MGAT5B: variants seen among roughly 807,000 people sequenced by gnomAD.
The protein encoded by MGAT5B is alpha-1,6-mannosylglycoprotein 6-beta-N-acetylglucosaminyltransferase B, also known as N-acetylglucosaminyl-transferase Vb.
MGAT5B carries 54 observed loss-of-function variants against 95.1 expected under a neutral mutation model. That is an observed-to-expected ratio of 0.57 (90% CI 0.46 to 0.71). MGAT5B has a LOEUF of 0.71. Ranked by LOEUF, MGAT5B falls within the 30% of genes least tolerant of loss-of-function variation. The probability of loss-of-function intolerance (pLI) is 0.00; values close to 1 mark genes in which losing one functional copy is unlikely to be tolerated. For synonymous variants in MGAT5B, 464 were observed against 451.0 expected (o/e 1.03, Z -0.36); for missense variants, 935 against 1,088.6 (o/e 0.86, Z 1.99).
At position 76,940,807 on chromosome 17, in the gene MGAT5B, G is replaced by A; in HGVS notation, c.1807G>A (p.Glu603Lys). The part of the protein sequence containing the change: ...HVWTVDYNNS[E>K]EFEAAIKAIM... ...GTGGACAGTCGACTACAACAACTCA[G>A]AGGAGTTTGAAGCAGCCATCAAGGC... The change falls in exon 15 of 18, where the codon GAG becomes AAG. Residue 603 changes from glutamate to lysine, a missense_variant. Glu to Lys is a moderately conservative substitution (Grantham distance 56). This residue lies in a region of MGAT5B where 440 missense variants were observed against 523.6 expected (regional missense o/e 0.84). Coordinates refer to ENST00000569840, the MANE Select transcript of MGAT5B (RefSeq NM_001199172.2). This position sits in a 1 kb window ranked among gnomAD's most constrained non-coding sequence, Gnocchi z 4.3. The A allele has an allele frequency of 1.2e-6, 2 of 1,614,148 alleles. No individual in the cohort carries two copies. The highest frequency in any genetic ancestry group is 1.7e-6 in the Non-Finnish European group (2 of 1,180,020).
Position 76,948,626 on chromosome 17 carries a change from G to A in MGAT5B, c.2181-14G>A. On this transcript the variant is annotated splice_polypyrimidine_tract_variant and intron_variant, in intron 17 of 17. Coordinates refer to ENST00000569840, the MANE Select transcript of MGAT5B (RefSeq NM_001199172.2). The stretch of plus-strand genomic sequence containing the variant: ...GACCAACGCTGAGTGACGGTGCTGT[G>A]TGGTCCCTGCCAGGCTGCAGGTGCC... 2 of 1,605,992 alleles carry A rather than the reference G, an allele frequency of 1.2e-6. No individual in the cohort carries two copies. The highest frequency in any genetic ancestry group is 3.3e-4 in the Middle Eastern group (2 of 6,054).
intron 8 of MGAT5B, among the ~76,000 whole-genome samples, chr17:76,923,265 TGCCGTTAATGAGGAGG>T (rs1266782148): frequency 6.6e-6 from 1 of 152,102 alleles, no homozygotes; most frequent in Non-Finnish European, 1.5e-5. Flanking sequence ...CCTGGCCACT[TGCCGTTAATGAGGAGG>T]TGACCTTGTC....
chr17:76,931,995 G>C (rs77135964), intron 10 of MGAT5B, among the ~76,000 whole-genome samples: 12,296 of 151,734 alleles, frequency 0.081, 629 homozygotes, highest in South Asian at 0.15. Context: ...GCTACTGCTG[G>C]TGGTGCTTCT....
rs1403059665 is a variant in MGAT5B, at chr17:76,868,632, C to G, written c.-398C>G. ...GCGCGGGCCCGGGGCCGCCTTTAGC[C>G]GGCACCGAGGGCGCGGGGCCGGGGA... On this transcript the variant is annotated 5_prime_UTR_variant, in exon 1 of 18. Transcript: ENST00000569840. This position sits in a 1 kb window ranked among gnomAD's most constrained non-coding sequence, Gnocchi z 6.3. 6.8e-6 allele frequency: 1 copy of G among 147,588 alleles called. No homozygotes were observed. Among genetic ancestry groups the G allele is most frequent in the Non-Finnish European group, 1.5e-5 (1 of 66,240 alleles). The allele number at this position is 147,588 out of a possible 1,614,324, so 9.1% of individuals were successfully genotyped here. A position where few individuals can be genotyped will look rare whatever the true frequency, so the allele number is the denominator to read the frequency against.
At chr17:76,902,735 G>GGGC in intron 4 of MGAT5B, 65 bp downstream of exon 4, 1 of 821,408 alleles carries the variant, frequency 1.2e-6, no homozygotes, top group Non-Finnish European at 1.9e-6. Flanking sequence ...TGCTGGGTGG[G>GGGC]CCCTGGGAGG....
At chr17:76,899,146 T>C (rs182817006) in intron 3 of MGAT5B, among the ~76,000 whole-genome samples, 3 of 152,350 alleles carry the variant, frequency 2.0e-5, no homozygotes, top group Admixed American at 2.0e-4. Context: ...AAGTCTCTAG[T>C]TGACCTGGCA....
Position 76,940,566 on chromosome 17 carries a change from T to C in MGAT5B, c.1731+18T>C, listed in dbSNP as rs778440289. The C allele has an allele frequency of 6.3e-7, 1 of 1,599,924 alleles. No homozygotes were observed. Among genetic ancestry groups the C allele is most frequent in the Non-Finnish European group, 8.5e-7 (1 of 1,170,300 alleles). On this transcript the variant is annotated intron_variant, in intron 14 of 17. Coordinates refer to ENST00000569840, the MANE Select transcript of MGAT5B (RefSeq NM_001199172.2). The surrounding 1 kb of genome is among the most constrained non-coding windows in gnomAD (Gnocchi z 4.3). ...CCAGAGAGGTGAGTGGAAAGCATCC[T>C]GGTCCCCGATCAGGAGGGGCCGGGA...
At position 76,901,801 on chromosome 17, in the gene MGAT5B, C is replaced by T. The variant is rs571999391; in HGVS notation, c.330-754C>T. On this transcript the variant is annotated intron_variant, in intron 3 of 17. Coordinates refer to ENST00000569840, the MANE Select transcript of MGAT5B (RefSeq NM_001199172.2). ...GAAATAGAGACAGACTCGGAGAGGC[C>T]CGGCTGTGCCTAGGAAAAGGCCTCT... Among the ~76,000 whole-genome samples the T allele has an allele frequency of 2.0e-5, 3 of 152,348 alleles. No homozygotes were observed. In the East Asian group the frequency reaches 5.8e-4, roughly 29 times the overall value.
intron 3 of MGAT5B, among the ~76,000 whole-genome samples, chr17:76,891,734 A>G (rs921756798): frequency 1.3e-5 from 2 of 152,216 alleles, no homozygotes; most frequent in South Asian, 2.1e-4. Flanking sequence ...CATGGTTCAT[A>G]GCAGCAGGCA....
intron 2 of MGAT5B, among the ~76,000 whole-genome samples, chr17:76,878,702 C>T (rs543179760): frequency 6.0e-4 from 91 of 152,202 alleles, no homozygotes; most frequent in Non-Finnish European, 1.2e-3. Context: ...CTTGAACTCC[C>T]GAGCTCAACC....
intron 8 of MGAT5B, among the ~76,000 whole-genome samples, chr17:76,922,660 G>A (rs1361201460): frequency 6.6e-6 from 1 of 152,176 alleles, no homozygotes; most frequent in African/African-American, 2.4e-5. Context: ...TGTTTTCTGG[G>A]TATTTCAGCC....
rs948895075 is a variant in MGAT5B at position 76,905,851 on chromosome 17, C to T, written c.856-167C>T. On this transcript the variant is annotated intron_variant, in intron 7 of 17. Transcript: ENST00000569840. The surrounding 1 kb of genome is among the most constrained non-coding windows in gnomAD (Gnocchi z 4.2). ...CAAGCACGTGACTATCTTGTTCGCC[C>T]GTGTCCCCAGTGCCCGATCTGGTCA... is the stretch of plus-strand genomic sequence containing the variant. 1.3e-5 allele frequency among the ~76,000 whole-genome samples: 2 copies of T among 152,064 alleles called. No individual in the cohort carries two copies. Among genetic ancestry groups the T allele is most frequent in the East Asian group, 1.9e-4 (1 of 5,188 alleles).
chr17:76,945,796 G>A (rs189541379), intron 15 of MGAT5B, among the ~76,000 whole-genome samples: 1 of 152,344 alleles, frequency 6.6e-6, no homozygotes, highest in Admixed American at 6.5e-5. Flanking sequence ...AGCACCCACT[G>A]TATGCCAGGC....
Position 76,948,859 on chromosome 17 carries a change from C to G in MGAT5B, c.*21C>G, listed in dbSNP as rs780164982. The stretch of plus-strand genomic sequence containing the variant: ...TGTGAATCCGCCTCTGCCGCCCTGC[C>G]TGGCACCCACGCTGGCTCTCTCCTG... On this transcript the variant is annotated 3_prime_UTR_variant, in exon 18 of 18. Transcript: ENST00000569840. The G allele has an allele frequency of 6.4e-7, 1 of 1,552,772 alleles. No homozygotes were observed. The highest frequency in any genetic ancestry group is 1.9e-5 in the Admixed American group (1 of 53,062).
intron 16 of MGAT5B, among the ~76,000 whole-genome samples, chr17:76,947,258 G>C (rs1002556602): frequency 6.6e-6 from 1 of 152,228 alleles, no homozygotes; most frequent in African/African-American, 2.4e-5. Flanking sequence ...TAGGGGCTGA[G>C]AGAGTCTGGT....
intron 12 of MGAT5B, among the ~76,000 whole-genome samples, chr17:76,935,349 T>TG (rs1212432706): frequency 7.1e-6 from 1 of 141,032 alleles, no homozygotes; most frequent in African/African-American, 2.6e-5. Flanking sequence ...TAGAAACATA[T>TG]GCTTTCATTT....
At position 76,874,947 on chromosome 17, in the gene MGAT5B, A is replaced by G. The variant is rs139726995; in HGVS notation, c.181+1984A>G. On this transcript the variant is annotated intron_variant, in intron 2 of 17. Transcript: ENST00000569840. Reference sequence around the variant, plus strand: ...TGTGTGCATTCGTGTGTACATGTGCATGTGTGTGCATGTGTGTGTGCGTGT... The same window carrying G: ...TGTGTGCATTCGTGTGTACATGTGCGTGTGTGTGCATGTGTGTGTGCGTGT... Among the ~76,000 whole-genome samples the G allele has an allele frequency of 2.2e-3, 342 of 152,152 alleles. 2 individuals carry two copies. The highest frequency in any genetic ancestry group is 7.9e-3 in the African/African-American group (329 of 41,476).
At chr17:76,931,517 A>G (rs1466479485) in intron 10 of MGAT5B, among the ~76,000 whole-genome samples, 1 of 152,250 alleles carries the variant, frequency 6.6e-6, no homozygotes, top group Non-Finnish European at 1.5e-5. Context: ...GAGACCTCTC[A>G]CAGGCCCATG....
intron 8 of MGAT5B, among the ~76,000 whole-genome samples, chr17:76,923,382 G>A (rs1969182393): frequency 1.4e-5 from 1 of 71,492 alleles, no homozygotes; most frequent in Admixed American, 1.3e-4. Context: ...CTCCTGCAGA[G>A]CTGGCTGGCA....
Sources: allele counts gnomAD v4.1 joint callset (sites outside exome capture counted in the v4.1 genomes callset), GRCh38; gene constraint gnomAD v4.1.1; regional missense constraint gnomAD v4.1.1; non-coding constraint Gnocchi (gnomAD v3.1); transcripts MANE v1.5; gene names NCBI Gene and HGNC (gene_info 2026-07-23, HGNC 2026-07-21).